The following SKOR1 variants were observed in gnomAD, a reference collection of about 807,000 sequenced individuals.
SKOR1 encodes LBX1 corepressor 1.
SKOR1 carries 38 observed loss-of-function variants against 72.4 expected under a neutral mutation model. That is an observed-to-expected ratio of 0.52 (90% CI 0.40 to 0.69). The LOEUF is 0.69. SKOR1 is among the 30% of genes least tolerant of loss of function. SKOR1 has a pLI of 0.00. For synonymous variants in SKOR1, 642 were observed against 599.4 expected (o/e 1.07, Z -1.04); for missense variants, 1,320 against 1,343.2 (o/e 0.98, Z 0.27).
Position 67,829,171 on chromosome 15 carries a change from C to A in SKOR1, c.2317-8C>A, listed in dbSNP as rs1444752357. 3 of 1,542,154 alleles carry A rather than the reference C, an allele frequency of 1.9e-6. No homozygotes were observed. Among genetic ancestry groups the A allele is most frequent in the Non-Finnish European group, 2.6e-6 (3 of 1,148,558 alleles). ...CCCTAATCGCCTGTCATTTCTCGGC[C>A]GTCGCAGGTGTTCGCGCCCGAGAGG... On this transcript the variant is annotated splice_polypyrimidine_tract_variant and splice_region_variant and intron_variant, in intron 2 of 8. Coordinates refer to ENST00000380035, the MANE Select transcript of SKOR1 (RefSeq NM_001365915.1).
At chr15:67,829,862 C>A (rs1437906859) in intron 3 of SKOR1, among the ~76,000 whole-genome samples, 1 of 152,240 alleles carries the variant, frequency 6.6e-6, no homozygotes, top group African/African-American at 2.4e-5. Context: ...AGGAGTCGGG[C>A]GGACAGACCC....
rs763937787 is a variant in SKOR1 at position 67,828,010 on chromosome 15, G to C, written c.2182G>C (p.Ala728Pro). The change falls in exon 2 of 9, where the codon GCT (alanine) becomes CCT (proline). Residue 728 changes from alanine to proline, a missense_variant. Physicochemically the swap from Ala to Pro is conservative, Grantham distance 27. Coordinates refer to ENST00000380035, the MANE Select transcript of SKOR1 (RefSeq NM_001365915.1). The stretch of plus-strand genomic sequence containing the variant: ...CCGGCGCCGCCTCGGGCCACCCCCA[G>C]CTGGCCGGCCCGCATTTGGGGACTT... ...RPRRRLGPPP[A>P]GRPAFGDLAA... The C allele has an allele frequency of 5.2e-6, 8 of 1,539,840 alleles. No homozygotes were observed. In the Admixed American group the frequency reaches 1.6e-4, roughly 31 times the overall value.
Position 67,827,482 on chromosome 15 carries a change from C to G in SKOR1, c.1654C>G (p.Arg552Gly). 6.6e-7 allele frequency: 1 copy of G among 1,521,716 alleles called. No individual in the cohort carries two copies. The highest frequency in any genetic ancestry group is 1.2e-5 in the South Asian group (1 of 82,796). The allele number at this position is 1,521,716 out of a possible 1,614,324, so 94.3% of individuals were successfully genotyped here. The change falls in exon 2 of 9, where the codon CGC (arginine) becomes GGC (glycine). Residue 552 changes from arginine (R) to glycine (G), a missense_variant. Around this residue, in one of 3 missense-constraint regions of SKOR1, gnomAD observed 1,099 missense variants for 1,025.5 expected, o/e 1.07. Transcript: ENST00000380035. ...AGAGAGTGGCCTCGGCGCGGAGGAG[C>G]GCTGCCCGAGCGCTCTGTCCCGCGG... ...AKESGLGAEE[R>G]CPSALSRGPL...
Position 67,833,117 on chromosome 15 carries a change from G to A in SKOR1, c.2738-75G>A. On this transcript the variant is annotated intron_variant, in intron 7 of 8. Coordinates refer to ENST00000380035, the MANE Select transcript of SKOR1 (RefSeq NM_001365915.1). This position sits in a 1 kb window ranked among gnomAD's most constrained non-coding sequence, Gnocchi z 6.0. The stretch of plus-strand genomic sequence containing the variant: ...CGGAGCTTAGCCCTGGGGAGAGGAG[G>A]AAGCCCGGGCTGTGACCCCGGCCTT... The A allele has an allele frequency of 2.0e-6, 3 of 1,518,356 alleles. No homozygotes were observed. In the Admixed American group the frequency reaches 5.1e-5, roughly 26 times the overall value. 94.1% of individuals were successfully genotyped at this position (1,518,356 alleles called of 1,614,324 possible).
chr15:67,826,647 C>A lies in SKOR1; in HGVS notation c.819C>A (p.Gly273=), dbSNP rs781687857. The A allele has an allele frequency of 1.9e-6, 3 of 1,609,126 alleles. No individual in the cohort carries two copies. The highest frequency in any genetic ancestry group is 2.2e-5 in the South Asian group (2 of 90,612). The change falls in exon 2 of 9, where the codon GGC becomes GGA. Residue 273 remains glycine (G), a synonymous_variant. Coordinates refer to ENST00000380035, the MANE Select transcript of SKOR1 (RefSeq NM_001365915.1). ...AGGACGTCAAGGCCATGTTTAATGG[C>A]GGCACGCGCAAGCGGACCTTCTCCC... ...AWEDVKAMFN[G]GTRKRTFSLQ... is the part of the protein sequence containing the mutation.
At chr15:67,830,131 C>G (rs931727657) in intron 3 of SKOR1, 60 bp from the exon 4 acceptor site, 7 of 1,562,276 alleles carry the variant, frequency 4.5e-6, no homozygotes, top group African/African-American at 1.4e-5. Flanking sequence ...GCGGCAGCTC[C>G]GGCAGTATCC....
At chr15:67,828,818 A>G (rs2090986014) in intron 2 of SKOR1, among the ~76,000 whole-genome samples, 1 of 152,240 alleles carries the variant, frequency 6.6e-6, no homozygotes, top group Admixed American at 6.5e-5. Context: ...CATTCGGTTC[A>G]TTAAAACACG....
intron 2 of SKOR1, 147 bp downstream of exon 2, chr15:67,828,291 G>A (rs2141367224): frequency 7.5e-7 from 1 of 1,326,582 alleles, no homozygotes; most frequent in Non-Finnish European, 9.6e-7. Context: ...CCCAGCCTTG[G>A]GCGCGCTGCG....
At chr15:67,831,672 C>T (rs1337224992) in intron 5 of SKOR1, among the ~76,000 whole-genome samples, 3 of 152,124 alleles carry the variant, frequency 2.0e-5, no homozygotes, top group African/African-American at 4.8e-5. Context: ...GAATTTGTGG[C>T]AGGAGGAAGA....
At position 67,825,706 on chromosome 15, in the gene SKOR1, T is replaced by C. The variant is rs1735232475; in HGVS notation, c.104T>C (p.Leu35Pro). The C allele has an allele frequency of 1.3e-6, 1 of 768,430 alleles. No homozygotes were observed. Among genetic ancestry groups the C allele is most frequent in the Non-Finnish European group, 2.3e-6 (1 of 430,746 alleles). The allele number at this position is 768,430 out of a possible 1,614,324, so 47.6% of individuals were successfully genotyped here. ...GGGTTCCTTGCAGCCCGGGCATTCC[T>C]GAGGTCTCCTTTACCCCTTCTCCTC... The part of the protein sequence containing the change: ...GIGFLAARAF[L>P]RSGGMEALTT... Residue 35 changes from leucine to proline, a missense_variant, in exon 1 of 9, where the codon CTG (leucine) becomes CCG (proline). This residue lies in a region of SKOR1 where 120 missense variants were observed against 104.9 expected (regional missense o/e 1.14). Transcript: ENST00000380035. The surrounding 1 kb of genome is among the most constrained non-coding windows in gnomAD (Gnocchi z 5.6).
At position 67,830,813 on chromosome 15, in the gene SKOR1, C is replaced by T. The variant is rs779857771; in HGVS notation, c.2516-5C>T. The T allele has an allele frequency of 6.2e-7, 1 of 1,614,176 alleles. No homozygotes were observed. The highest frequency in any genetic ancestry group is 1.7e-5 in the Admixed American group (1 of 60,020). On this transcript the variant is annotated splice_polypyrimidine_tract_variant and splice_region_variant and intron_variant, in intron 4 of 8. Transcript: ENST00000380035. The stretch of plus-strand genomic sequence containing the variant: ...GAACCCCTCTTACCTGCCCCTGTAT[C>T]CCAGGCGAAGATGGGCTTACCTTGG...
chr15:67,826,784 G>A lies in SKOR1; in HGVS notation c.956G>A (p.Gly319Asp), dbSNP rs1305227701. 2.0e-6 allele frequency: 3 copies of A among 1,531,952 alleles called. No individual in the cohort carries two copies. Among genetic ancestry groups the A allele is most frequent in the African/African-American group, 2.7e-5 (2 of 72,802 alleles). 94.9% of individuals were successfully genotyped at this position (1,531,952 alleles called of 1,614,324 possible). The change falls in exon 2 of 9, where the codon GGC becomes GAC. Residue 319 changes from glycine (G) to aspartate (D), a missense_variant. Transcript: ENST00000380035. The part of the protein sequence containing the change: ...GPGCGAEMAP[G>D]PPPHKSLRCG... ...GGGTGCGGTGCAGAGATGGCCCCAG[G>A]CCCGCCGCCCCACAAAAGCCTGCGC...
rs1281085160 is a variant in SKOR1, at chr15:67,827,242, G to A, written c.1414G>A (p.Ala472Thr). The A allele has an allele frequency of 1.3e-6, 2 of 1,574,910 alleles. No individual in the cohort carries two copies. The highest frequency in any genetic ancestry group is 2.4e-5 in the East Asian group (1 of 41,974). The part of the protein sequence containing the change: ...GHQPSGAAKD[A>T]AAVAAAAAAA... ...TCAACCCTCCGGGGCAGCCAAGGACGCAGCGGCAGTGGCTGCAGCGGCCGC... is the reference window on the plus strand; with the variant it reads ...TCAACCCTCCGGGGCAGCCAAGGACACAGCGGCAGTGGCTGCAGCGGCCGC... The change falls in exon 2 of 9, where the codon GCA becomes ACA. Residue 472 changes from alanine to threonine, a missense_variant. By Grantham distance (58) the Ala-to-Thr change is moderately conservative. Transcript: ENST00000380035.
At position 67,825,743 on chromosome 15, in the gene SKOR1, G is replaced by A; in HGVS notation, c.107+34G>A. The A allele has an allele frequency of 5.2e-6, 5 of 967,860 alleles. No individual in the cohort carries two copies. The highest frequency in any genetic ancestry group is 8.2e-6 in the Non-Finnish European group (5 of 613,320). The allele number at this position is 967,860 out of a possible 1,614,324, so 60.0% of individuals were successfully genotyped here. ...TACCCCTTCTCCTCCCCCAAGCCCC[G>A]GGGGCTGTTGTTAACGGCGCCAACA... is the stretch of plus-strand genomic sequence containing the variant. On this transcript the variant is annotated intron_variant, in intron 1 of 8. Transcript: ENST00000380035. The surrounding 1 kb of genome is among the most constrained non-coding windows in gnomAD (Gnocchi z 5.6).
At position 67,833,238 on chromosome 15, in the gene SKOR1, C is replaced by T. The variant is rs1262623709; in HGVS notation, c.2784C>T (p.Ala928=). The part of the protein sequence containing the change: ...ELDQERKARY[A]IQQKLKEAHD... Reference sequence around the variant, plus strand: ...ACCAGGAGCGGAAGGCGCGCTATGCCATCCAGCAGAAATTGAAAGGTGCGG... The same window carrying T: ...ACCAGGAGCGGAAGGCGCGCTATGCTATCCAGCAGAAATTGAAAGGTGCGG... Residue 928 remains alanine (A), a synonymous_variant, in exon 8 of 9, where the codon GCC becomes GCT. Transcript: ENST00000380035. The surrounding 1 kb of genome is among the most constrained non-coding windows in gnomAD (Gnocchi z 6.0). 1 of 1,614,124 alleles carries T rather than the reference C, an allele frequency of 6.2e-7. No individual in the cohort carries two copies. Among genetic ancestry groups the T allele is most frequent in the South Asian group, 1.1e-5 (1 of 91,068 alleles).
In SKOR1 at chr15:67,834,033, T is replaced by C. The variant is rs2091029254; in HGVS notation, c.*197T>C. The C allele has an allele frequency of 1.6e-6, 1 of 635,604 alleles. No individual in the cohort carries two copies. The highest frequency in any genetic ancestry group is 2.5e-5 in the Admixed American group (1 of 40,000). The allele number at this position is 635,604 out of a possible 1,614,324, so 39.4% of individuals were successfully genotyped here. On this transcript the variant is annotated 3_prime_UTR_variant, in exon 9 of 9. Coordinates refer to ENST00000380035, the MANE Select transcript of SKOR1 (RefSeq NM_001365915.1). The surrounding 1 kb of genome is among the most constrained non-coding windows in gnomAD (Gnocchi z 5.8). ...GGCGTCCCTGTCCAGGGCCCCGGCT[T>C]GGTTTCCAAGTGTAAATACCGCCTC...
chr15:67,828,796 C>A (rs1028289018), intron 2 of SKOR1, among the ~76,000 whole-genome samples: 6 of 152,114 alleles, frequency 3.9e-5, no homozygotes, highest in South Asian at 4.1e-4. Flanking sequence ...AAAGTGAGTG[C>A]GCATACCTGT....
intron 2 of SKOR1, among the ~76,000 whole-genome samples, chr15:67,828,509 C>T (rs1018027982): frequency 4.6e-5 from 7 of 152,212 alleles, no homozygotes; most frequent in Non-Finnish European, 2.9e-5. Flanking sequence ...GAAAAGCGCT[C>T]GCCCGGGTGG....
In SKOR1 at chr15:67,826,105, G is replaced by A; in HGVS notation, c.277G>A (p.Asp93Asn). ...YGVPIVSLVI[D>N]GQERLCLAQI... ...GGTGCCCATTGTGTCGCTGGTCATC[G>A]ACGGCCAGGAGCGCCTATGCCTGGC... is the stretch of plus-strand genomic sequence containing the variant. The change falls in exon 2 of 9, where the codon GAC becomes AAC. Residue 93 changes from aspartate (D) to asparagine (N), a missense_variant. Around this residue, in one of 3 missense-constraint regions of SKOR1, gnomAD observed 120 missense variants for 104.9 expected, o/e 1.14. Transcript: ENST00000380035. 6.3e-7 allele frequency: 1 copy of A among 1,599,536 alleles called. No individual in the cohort carries two copies. Among genetic ancestry groups the A allele is most frequent in the Non-Finnish European group, 8.5e-7 (1 of 1,170,040 alleles).
Sources: gnomAD v4.1 joint callset for allele counts (sites outside exome capture counted in the v4.1 genomes callset) on GRCh38, gnomAD v4.1.1 for gene constraint, gnomAD v4.1.1 regional missense constraint, Gnocchi (gnomAD v3.1) non-coding constraint, MANE v1.5 for transcripts, NCBI Gene and HGNC (gene_info 2026-07-23, HGNC 2026-07-21) for gene names.